ABL1: variants seen among roughly 807,000 people sequenced by gnomAD.
The protein encoded by ABL1 is ABL proto-oncogene 1, non-receptor tyrosine kinase.
Under a neutral mutation model 94.7 loss-of-function variants are expected in ABL1, and 11 were observed. That is an observed-to-expected ratio of 0.12 (90% CI 0.07 to 0.19). The LOEUF is 0.19. Ranked by LOEUF, ABL1 falls within the 10% of genes least tolerant of loss-of-function variation. The probability of loss-of-function intolerance (pLI) is 1.00; values close to 1 mark genes in which losing one functional copy is unlikely to be tolerated. For missense variants in ABL1, 1,082 were observed against 1,489.4 expected, an observed-to-expected ratio of 0.73 and a Z score of 4.50; for synonymous variants, 656 against 622.4, an observed-to-expected ratio of 1.05 and a Z score of -0.80.
At chr9:130,765,451 G>C (rs2132757631) in intron 1 of ABL1, among the ~76,000 whole-genome samples, 1 of 152,274 alleles carries the variant, frequency 6.6e-6, no homozygotes, top group Middle Eastern at 3.4e-3. Flanking sequence ...ATTGTTTGTA[G>C]TTTTTCTCCC....
intron 1 of ABL1, among the ~76,000 whole-genome samples, chr9:130,852,353 C>T (rs1225000893): frequency 1.3e-5 from 2 of 152,070 alleles, no homozygotes; most frequent in Non-Finnish European, 1.5e-5. Context: ...CAGGCGCCCG[C>T]CACCATGCCC....
At chr9:130,788,007 A>G (rs2132800540) in intron 1 of ABL1, among the ~76,000 whole-genome samples, 1 of 148,778 alleles carries the variant, frequency 6.7e-6, no homozygotes, top group African/African-American at 2.5e-5. Context: ...AAGTTCTCTT[A>G]TGGCTTTCTG....
rs1014995133 is a variant in ABL1, at chr9:130,863,357, G to A, written c.822+322G>A. ...CCGTGGATTTCCATGCTGTTCGTGCGGCATGGAGATCACTTCCTACCGAGA... is the reference window on the plus strand; with the variant it reads ...CCGTGGATTTCCATGCTGTTCGTGCAGCATGGAGATCACTTCCTACCGAGA... On this transcript the variant is annotated intron_variant, in intron 4 of 10. Transcript: ENST00000318560. The surrounding 1 kb of genome is among the most constrained non-coding windows in gnomAD (Gnocchi z 4.3). 2.0e-5 allele frequency among the ~76,000 whole-genome samples: 3 copies of A among 152,068 alleles called. No homozygotes were observed. Among genetic ancestry groups the A allele is most frequent in the African/African-American group, 4.8e-5 (2 of 41,402 alleles).
intron 1 of ABL1, among the ~76,000 whole-genome samples, chr9:130,783,550 G>A (rs1164196879): frequency 6.6e-6 from 1 of 152,228 alleles, no homozygotes; most frequent in Non-Finnish European, 1.5e-5. Flanking sequence ...AGGTAGGAAT[G>A]TAAGGTCTCC....
At chr9:130,737,785 C>T (rs923072114) in intron 1 of ABL1, among the ~76,000 whole-genome samples, 1 of 151,746 alleles carries the variant, frequency 6.6e-6, no homozygotes, top group African/African-American at 2.4e-5. Flanking sequence ...CTACTGTTTG[C>T]CCCCTTTGCC....
chr9:130,826,423 A>AAT (rs1318766669), intron 1 of ABL1, among the ~76,000 whole-genome samples: 6 of 152,132 alleles, frequency 3.9e-5, no homozygotes, highest in Admixed American at 6.5e-5. Context: ...GCCTGGCCAA[A>AAT]ATATATATAT....
chr9:130,826,708 C>A (rs1483041239), intron 1 of ABL1, among the ~76,000 whole-genome samples: 2 of 152,114 alleles, frequency 1.3e-5, no homozygotes, highest in East Asian at 3.9e-4. Context: ...GGTTTAGATT[C>A]TTCAAACCCC....
intron 1 of ABL1, among the ~76,000 whole-genome samples, chr9:130,744,706 A>C (rs1299841600): frequency 6.6e-6 from 1 of 150,900 alleles, no homozygotes; most frequent in Non-Finnish European, 1.5e-5. Context: ...CAAAAAAAAA[A>C]ATTAGCCGAG....
Position 130,885,714 on chromosome 9 carries a change from CG to C in ABL1, c.*33del, listed in dbSNP as rs761307476. On this transcript the variant is annotated 3_prime_UTR_variant, in exon 11 of 11. Coordinates refer to ENST00000318560, the MANE Select transcript of ABL1 (RefSeq NM_005157.6). ...GTCAGGGGTCAGGTGTCAGGCCCGTCGGAGCTGCCTGCAGCACATGCGGGCT... is the reference window on the plus strand; with the variant it reads ...GTCAGGGGTCAGGTGTCAGGCCCGTCGAGCTGCCTGCAGCACATGCGGGCT... The C allele has an allele frequency of 3.2e-6, 5 of 1,586,668 alleles. No individual in the cohort carries two copies. The South Asian group carries it at 5.8e-5, about 18-fold the overall frequency.
intron 1 of ABL1, among the ~76,000 whole-genome samples, chr9:130,728,051 T>C (rs1419159105): frequency 6.6e-6 from 1 of 151,608 alleles, no homozygotes; most frequent in Non-Finnish European, 1.5e-5. Context: ...ATACTCTCAG[T>C]TTTTGCCTCT....
At chr9:130,876,316 G>T (rs1357190998) in intron 7 of ABL1, among the ~76,000 whole-genome samples, 2 of 152,100 alleles carry the variant, frequency 1.3e-5, no homozygotes, top group African/African-American at 4.8e-5. Flanking sequence ...TCATCTGTGT[G>T]GTTACTCAGT....
At chr9:130,868,520 C>CTTTTTTTTTTTT (rs71389371) in intron 4 of ABL1, among the ~76,000 whole-genome samples, 10 of 112,088 alleles carry the variant, frequency 8.9e-5, no homozygotes, top group South Asian at 3.0e-4. Context: ...TTTTCTTTTT[C>CTTTTTTTTTTTT]TTTTTTTTTT....
intron 1 of ABL1, among the ~76,000 whole-genome samples, chr9:130,800,724 C>T (rs1429600467): frequency 4.6e-5 from 7 of 152,022 alleles, no homozygotes; most frequent in Non-Finnish European, 4.4e-5. Context: ...TATGTATTTA[C>T]ATTTCCTCTT....
In ABL1 at chr9:130,807,668, T is replaced by TTATATATA. The variant is rs35665086; in HGVS notation, c.137-46377_137-46370dup. Among the ~76,000 whole-genome samples, 73 of 113,284 alleles carry TTATATATA rather than the reference T, an allele frequency of 6.4e-4. 1 individual carries two copies. Among genetic ancestry groups the TTATATATA allele is most frequent in the African/African-American group, 1.9e-3 (60 of 31,226 alleles). 74.3% of individuals were successfully genotyped at this position (113,284 alleles called of 152,430 possible). A position where few individuals can be genotyped will look rare whatever the true frequency, so the allele number is the denominator to read the frequency against. On this transcript the variant is annotated intron_variant, in intron 1 of 10. Coordinates refer to the ABL1 transcript ENST00000372348. ...ATTATATTTTATACATTCCTTAATT[T>TTATATATA]TATATATATATATATATATATATAT...
intron 1 of ABL1, among the ~76,000 whole-genome samples, chr9:130,784,872 C>T (rs151224099): frequency 6.6e-6 from 1 of 152,282 alleles, no homozygotes; most frequent in Non-Finnish European, 1.5e-5. Flanking sequence ...CCATGCAACA[C>T]GGCCATTTTA....
chr9:130,722,917 G>A (rs1387435998), intron 1 of ABL1, among the ~76,000 whole-genome samples: 1 of 152,160 alleles, frequency 6.6e-6, no homozygotes, highest in East Asian at 1.9e-4. Context: ...TATCAGTTCA[G>A]GACAGAACCG....
chr9:130,817,141 C>T (rs374606523), intron 1 of ABL1, among the ~76,000 whole-genome samples: 12 of 152,320 alleles, frequency 7.9e-5, no homozygotes, highest in Admixed American at 2.0e-4. Context: ...AGTCCTAATG[C>T]ATTTAAGATC....
At chr9:130,830,506 C>G (rs1364472898), upstream of ABL1, among the ~76,000 whole-genome samples, 1 of 152,170 alleles carries the variant, frequency 6.6e-6, no homozygotes, top group African/African-American at 2.4e-5. Context: ...CTACTCCTAC[C>G]TCACAGCTAG....
intron 1 of ABL1, among the ~76,000 whole-genome samples, chr9:130,818,824 A>G (rs1009919740): frequency 6.6e-6 from 1 of 152,214 alleles, no homozygotes; most frequent in African/African-American, 2.4e-5. Context: ...ATTGATTTCT[A>G]AATTCTGAAA....
Sources: gnomAD v4.1 joint callset for allele counts (sites outside exome capture counted in the v4.1 genomes callset) on GRCh38, gnomAD v4.1.1 for gene constraint, Gnocchi (gnomAD v3.1) non-coding constraint, MANE v1.5 for transcripts, NCBI Gene and HGNC (gene_info 2026-07-23, HGNC 2026-07-21) for gene names.